Variants in E2F3 observed in about 807,000 individuals in gnomAD.
E2F3 encodes the protein transcription factor E2F3.
E2F3 carries 11 observed loss-of-function variants against 44.4 expected under a neutral mutation model. The observed-to-expected ratio is 0.25, with a 90% CI of 0.16 to 0.41. The LOEUF is 0.41. Ranked by LOEUF, E2F3 falls within the 10% of genes least tolerant of loss-of-function variation. E2F3 has a pLI of 1.00. For synonymous variants in E2F3, 249 were observed against 253.0 expected (o/e 0.98, Z 0.15); for missense variants, 487 against 583.6 (o/e 0.83, Z 1.70).
At chr6:20,446,416 C>T (rs1760946571) in intron 1 of E2F3, among the ~76,000 whole-genome samples, 1 of 152,138 alleles carries the variant, frequency 6.6e-6, no homozygotes, top group South Asian at 2.1e-4. Context: ...TCCTCAAAGG[C>T]ATTAGGAGTG....
chr6:20,468,103 G>C (rs555232987), intron 1 of E2F3, among the ~76,000 whole-genome samples: 24 of 152,314 alleles, frequency 1.6e-4, no homozygotes, highest in Non-Finnish European at 2.2e-4. Context: ...ATGTGTGGGG[G>C]GTTTCCCCAG....
chr6:20,449,084 C>T (rs147313683), intron 1 of E2F3, among the ~76,000 whole-genome samples: 336 of 152,290 alleles, frequency 2.2e-3, no homozygotes, highest in African/African-American at 7.9e-3. Flanking sequence ...GTATTTACTA[C>T]GTACTTTCCT....
At chr6:20,403,059 G>A (rs964624473) in intron 1 of E2F3, among the ~76,000 whole-genome samples, 3 of 152,012 alleles carry the variant, frequency 2.0e-5, no homozygotes, top group African/African-American at 4.8e-5. Flanking sequence ...GAAACCGGGG[G>A]ACTGTTGGGG....
At chr6:20,421,696 TG>T (rs988472312) in intron 1 of E2F3, 3 of 152,254 alleles carry the variant, frequency 2.0e-5, no homozygotes, top group African/African-American at 7.2e-5. Flanking sequence ...TTTTCTGACC[TG>T]GGCTGGTTCA....
intron 3 of E2F3, among the ~76,000 whole-genome samples, chr6:20,481,748 C>T (rs1260767861): frequency 6.6e-6 from 1 of 152,058 alleles, no homozygotes; most frequent in East Asian, 1.9e-4. Context: ...TGTGCACCCA[C>T]GTGTGTATCT....
intron 1 of E2F3, among the ~76,000 whole-genome samples, chr6:20,442,055 TG>T (rs1760795269): frequency 6.6e-6 from 1 of 151,854 alleles, no homozygotes; most frequent in Non-Finnish European, 1.5e-5. Flanking sequence ...CATTCATCAC[TG>T]GGTCTCCTTT....
At chr6:20,485,961 T>C (rs189246058) in intron 4 of E2F3, among the ~76,000 whole-genome samples, 1 of 152,142 alleles carries the variant, frequency 6.6e-6, no homozygotes, top group Non-Finnish European at 1.5e-5. Context: ...TAATAGAGAT[T>C]ACATTTTTTT....
intron 2 of E2F3, 27 bp from the exon 3 acceptor site, chr6:20,481,179 C>G (rs191815365): frequency 2.2e-5 from 36 of 1,609,238 alleles, no homozygotes; most frequent in Non-Finnish European, 3.1e-5. Context: ...CTATCCCCCA[C>G]CCGCTCGGTT....
At chr6:20,425,694 G>A (rs181839789) in intron 1 of E2F3, among the ~76,000 whole-genome samples, 1 of 152,214 alleles carries the variant, frequency 6.6e-6, no homozygotes, top group African/African-American at 2.4e-5. Context: ...CACTGCGCCC[G>A]GCCCCTTCTA....
chr6:20,490,906 C>G lies in E2F3; in HGVS notation c.*476C>G. On this transcript the variant is annotated 3_prime_UTR_variant, in exon 7 of 7. Transcript: ENST00000346618. The surrounding 1 kb of genome is among the most constrained non-coding windows in gnomAD (Gnocchi z 4.3). Reference sequence around the variant, plus strand: ...CTGCTAATATGGAATGGAACTGCAGCAAATGCAAACTTGAAGTCATGCAAA... The same window carrying G: ...CTGCTAATATGGAATGGAACTGCAGGAAATGCAAACTTGAAGTCATGCAAA... 8.7e-6 allele frequency: 2 copies of G among 228,944 alleles called. No individual in the cohort carries two copies. The highest frequency in any genetic ancestry group is 1.7e-5 in the Non-Finnish European group (2 of 115,078). 14.2% of individuals were successfully genotyped at this position (228,944 alleles called of 1,614,324 possible).
chr6:20,446,477 T>C (rs1018787982), intron 1 of E2F3, among the ~76,000 whole-genome samples: 1 of 152,198 alleles, frequency 6.6e-6, no homozygotes, highest in African/African-American at 2.4e-5. Context: ...AAGTAGCACT[T>C]AAGGTTGGAA....
intron 1 of E2F3, among the ~76,000 whole-genome samples, chr6:20,410,924 A>G (rs1759651794): frequency 6.6e-6 from 1 of 152,112 alleles, no homozygotes. Context: ...TCCTGGCCTG[A>G]TCTATTTTCT....
In E2F3 at chr6:20,490,446, A is replaced by C; in HGVS notation, c.*16A>C. 6.5e-7 allele frequency: 1 copy of C among 1,531,542 alleles called. No individual in the cohort carries two copies. Among genetic ancestry groups the C allele is most frequent in the Non-Finnish European group, 8.8e-7 (1 of 1,139,276 alleles). 94.9% of individuals were successfully genotyped at this position (1,531,542 alleles called of 1,614,324 possible). On this transcript the variant is annotated 3_prime_UTR_variant, in exon 7 of 7. Transcript: ENST00000346618. The surrounding 1 kb of genome is among the most constrained non-coding windows in gnomAD (Gnocchi z 4.3). ...GTGTAGTTGATTATGCTTCGTGTGA[A>C]CTCTCCTTAAAAACCGATATTTTTT...
chr6:20,474,799 T>A (rs75922373), intron 1 of E2F3, among the ~76,000 whole-genome samples: 2,404 of 152,356 alleles, frequency 0.016, 58 homozygotes, highest in African/African-American at 0.054. Context: ...GAGATTCTAA[T>A]TATTGCACCC....
At chr6:20,422,852 C>T (rs956982002) in intron 1 of E2F3, among the ~76,000 whole-genome samples, 7 of 152,114 alleles carry the variant, frequency 4.6e-5, no homozygotes, top group Admixed American at 1.3e-4. Context: ...TCACTGATCA[C>T]GGATCACCAC....
At chr6:20,469,502 T>A (rs929586948) in intron 1 of E2F3, among the ~76,000 whole-genome samples, 1 of 152,236 alleles carries the variant, frequency 6.6e-6, no homozygotes, top group Non-Finnish European at 1.5e-5. Context: ...CTTAAATTAT[T>A]CTTAAAAACA....
At chr6:20,425,480 C>G (rs569245582) in intron 1 of E2F3, among the ~76,000 whole-genome samples, 2 of 152,064 alleles carry the variant, frequency 1.3e-5, no homozygotes, top group South Asian at 4.2e-4. Context: ...ACTCTGCCTC[C>G]TGGGTTCAAC....
intron 1 of E2F3, among the ~76,000 whole-genome samples, chr6:20,453,483 C>T (rs747532117): frequency 1.3e-5 from 2 of 152,070 alleles, no homozygotes; most frequent in South Asian, 2.1e-4. Context: ...GGTGCAGTGA[C>T]GGCTCACTGC....
chr6:20,442,164 G>A (rs149285972), intron 1 of E2F3, among the ~76,000 whole-genome samples: 1 of 152,270 alleles, frequency 6.6e-6, no homozygotes, highest in Non-Finnish European at 1.5e-5. Flanking sequence ...ATGCATGCCA[G>A]CCTGTTTATG....
Sources: gnomAD v4.1 joint callset for allele counts (sites outside exome capture counted in the v4.1 genomes callset) on GRCh38, gnomAD v4.1.1 for gene constraint, Gnocchi (gnomAD v3.1) non-coding constraint, MANE v1.5 for transcripts, NCBI Gene and HGNC (gene_info 2026-07-23, HGNC 2026-07-21) for gene names.